The following GAS2 variants were observed in gnomAD, a reference collection of about 807,000 sequenced individuals.
GAS2 encodes growth arrest-specific protein 2.
Under a neutral mutation model 37.5 loss-of-function variants are expected in GAS2, and 20 were observed. The ratio of observed to expected loss-of-function variants is 0.53; its 90% CI spans 0.37 to 0.77. The LOEUF (loss-of-function observed/expected upper bound fraction) is 0.77, where lower values mean the gene tolerates loss of function less well. Ranked by LOEUF, GAS2 falls within the 30% of genes least tolerant of loss-of-function variation. The pLI, the probability that GAS2 is intolerant of heterozygous loss-of-function variation, is 0.00. For missense variants in GAS2, 336 were observed against 373.4 expected (o/e 0.90, Z 0.82); for synonymous variants, 144 against 132.2 (o/e 1.09, Z -0.61).
intron 1 of GAS2, among the ~76,000 whole-genome samples, chr11:22,642,901 G>A (rs1848647374): frequency 1.3e-5 from 2 of 152,076 alleles, no homozygotes; most frequent in African/African-American, 2.4e-5. Flanking sequence ...TTAAAACAGC[G>A]GCAAGACCAA....
intron 7 of GAS2, among the ~76,000 whole-genome samples, chr11:22,760,975 G>T (rs1178349910): frequency 1.3e-5 from 2 of 152,090 alleles, no homozygotes; most frequent in African/African-American, 4.8e-5. Context: ...GTTTTTTGGA[G>T]TCATGGTATT....
At chr11:22,649,130 T>C (rs986866472) in intron 1 of GAS2, among the ~76,000 whole-genome samples, 1 of 151,560 alleles carries the variant, frequency 6.6e-6, no homozygotes, top group Non-Finnish European at 1.5e-5. Context: ...GCATGAAGGG[T>C]TGTTGAATTT....
At chr11:22,751,977 A>G (rs544786467) in intron 6 of GAS2, among the ~76,000 whole-genome samples, 1 of 152,178 alleles carries the variant, frequency 6.6e-6, no homozygotes, top group Non-Finnish European at 1.5e-5. Flanking sequence ...ACCAGAATTT[A>G]GAATATAAAC....
chr11:22,739,370 C>A (rs146241223), intron 5 of GAS2, among the ~76,000 whole-genome samples: 4,060 of 151,680 alleles, frequency 0.027, 67 homozygotes, highest in Admixed American at 0.039. Flanking sequence ...GTCAGGAGAT[C>A]GAGACCATCC....
Position 22,637,471 on chromosome 11 carries a change from A to T in GAS2, c.-21+11658A>T. 7.0e-4 allele frequency among the ~76,000 whole-genome samples: 2 copies of T among 2,862 alleles called. 1 individual carries two copies. Among genetic ancestry groups the T allele is most frequent in the Non-Finnish European group, 1.6e-3 (2 of 1,246 alleles). 1.9% of individuals were successfully genotyped at this position (2,862 alleles called of 152,430 possible). A position where few individuals can be genotyped will look rare whatever the true frequency, so the allele number is the denominator to read the frequency against. On this transcript the variant is annotated intron_variant, in intron 1 of 5. Transcript: ENST00000528582. ...ATAATATTAATTATATTAATAGTAT[A>T]CTTAATATAATATTAATTATATTAA...
intron 2 of GAS2, among the ~76,000 whole-genome samples, chr11:22,683,971 A>G (rs767256390): frequency 6.6e-5 from 10 of 152,236 alleles, no homozygotes; most frequent in Non-Finnish European, 1.3e-4. Flanking sequence ...TGAGTATGAC[A>G]TACGGAAAAC....
chr11:22,738,625 C>G (rs981472680), intron 5 of GAS2, among the ~76,000 whole-genome samples: 4 of 152,134 alleles, frequency 2.6e-5, no homozygotes, highest in Admixed American at 6.5e-5. Context: ...AAAGTGAGAA[C>G]TAACACTGAA....
chr11:22,807,825 T>C (rs1163120476), intron 7 of GAS2, among the ~76,000 whole-genome samples: 1 of 152,134 alleles, frequency 6.6e-6, no homozygotes, highest in African/African-American at 2.4e-5. Context: ...AGAAGTTGGT[T>C]ACAAGAAGCA....
At chr11:22,676,213 C>G (rs1565078723) in intron 2 of GAS2, among the ~76,000 whole-genome samples, 1 of 152,018 alleles carries the variant, frequency 6.6e-6, no homozygotes, top group African/African-American at 2.4e-5. Flanking sequence ...AAGTGTCTCC[C>G]CCAGAAGGAA....
At chr11:22,637,734 ATTAT>A (rs200937455) in intron 1 of GAS2, among the ~76,000 whole-genome samples, 2,407 of 142,960 alleles carry the variant, frequency 0.017, 96 homozygotes, top group African/African-American at 0.058. Context: ...AGTAATAATA[ATTAT>A]TTATATTTAA....
intron 1 of GAS2, among the ~76,000 whole-genome samples, chr11:22,642,200 A>G (rs1848638630): frequency 6.6e-6 from 1 of 152,140 alleles, no homozygotes; most frequent in African/African-American, 2.4e-5. Context: ...ATCACTGGAA[A>G]AATATTGCAG....
At chr11:22,705,544 G>T (rs545807235) in intron 3 of GAS2, among the ~76,000 whole-genome samples, 22 of 152,092 alleles carry the variant, frequency 1.4e-4, no homozygotes, top group African/African-American at 5.3e-4. Context: ...GTCTAGTTAG[G>T]TACATAAAAT....
At chr11:22,790,493 T>C (rs984949292) in intron 7 of GAS2, among the ~76,000 whole-genome samples, 1 of 151,296 alleles carries the variant, frequency 6.6e-6, no homozygotes, top group Non-Finnish European at 1.5e-5. Context: ...TACTTTTCTT[T>C]GATGCTCATA....
chr11:22,681,306 A>G (rs114299927), intron 2 of GAS2, among the ~76,000 whole-genome samples: 55,922 of 152,000 alleles, frequency 0.37, 11,279 homozygotes, highest in African/African-American at 0.55. Context: ...ATTTCAGGCA[A>G]CTGAAATCCC....
intron 3 of GAS2, among the ~76,000 whole-genome samples, chr11:22,693,167 G>A (rs1251553163): frequency 1.3e-5 from 2 of 152,174 alleles, no homozygotes; most frequent in Admixed American, 6.6e-5. Context: ...CATGGTCCCT[G>A]TAGGTTATGT....
chr11:22,704,712 A>G (rs1851021315), intron 3 of GAS2, among the ~76,000 whole-genome samples: 1 of 150,418 alleles, frequency 6.6e-6, no homozygotes, highest in Non-Finnish European at 1.5e-5. Flanking sequence ...GAATATTCTA[A>G]TAAACAAACA....
At chr11:22,782,869 C>T (rs900778876) in intron 7 of GAS2, among the ~76,000 whole-genome samples, 12 of 146,836 alleles carry the variant, frequency 8.2e-5, no homozygotes, top group Admixed American at 1.4e-4. Flanking sequence ...TAGGTTGATT[C>T]CACGTCTTTG....
chr11:22,804,076 A>G (rs962017554), intron 7 of GAS2, among the ~76,000 whole-genome samples: 1 of 152,156 alleles, frequency 6.6e-6, no homozygotes, highest in African/African-American at 2.4e-5. Context: ...GGAGATGACC[A>G]TGGAAGATTT....
chr11:22,778,193 A>G (rs573392258), intron 7 of GAS2, among the ~76,000 whole-genome samples: 4 of 152,336 alleles, frequency 2.6e-5, no homozygotes, highest in African/African-American at 9.6e-5. Context: ...CACTTGCTAT[A>G]TAACCTTGAT....
Sources: gnomAD v4.1 joint callset for allele counts (sites outside exome capture counted in the v4.1 genomes callset) on GRCh38, gnomAD v4.1.1 for gene constraint, MANE v1.5 for transcripts, NCBI Gene and HGNC (gene_info 2026-07-23, HGNC 2026-07-21) for gene names.